TGM7: variants seen among roughly 807,000 people sequenced by gnomAD.
TGM7 encodes transglutaminase 7, also known as protein-glutamine gamma-glutamyltransferase Z.
Under a neutral mutation model 79.5 loss-of-function variants are expected in TGM7, and 74 were observed. That is an observed-to-expected ratio of 0.93 (90% CI 0.77 to 1.13). The LOEUF (loss-of-function observed/expected upper bound fraction) is 1.13, where lower values mean the gene tolerates loss of function less well. Among genes scored for constraint, TGM7 ranks in the 50% most tolerant of loss-of-function variants. The probability of loss-of-function intolerance (pLI) is 0.00; values close to 1 mark genes in which losing one functional copy is unlikely to be tolerated. For missense variants in TGM7, 912 were observed against 905.9 expected (o/e 1.01, Z -0.09); for synonymous variants, 354 against 362.5 (o/e 0.98, Z 0.27).
chr15:43,297,587 T>TAGAAAGTA (rs1555386113), intron 1 of TGM7, among the ~76,000 whole-genome samples: 1 of 114,482 alleles, frequency 8.7e-6, no homozygotes, highest in Middle Eastern at 3.5e-3. Flanking sequence ...TCTGCATGTA[T>TAGAAAGTA]AGAAAGAAAG....
chr15:43,282,478 C>T, intron 8 of TGM7, 39 bp downstream of exon 8: 1 of 1,524,804 alleles, frequency 6.6e-7, no homozygotes. Context: ...AATCTGCCTC[C>T]CCACAGAGCC....
chr15:43,292,907 T>G lies in TGM7; in HGVS notation c.241A>C (p.Thr81Pro). 6.2e-7 allele frequency: 1 copy of G among 1,613,618 alleles called. No individual in the cohort carries two copies. The highest frequency in any genetic ancestry group is 8.5e-7 in the Non-Finnish European group (1 of 1,179,916). Residue 81 changes from threonine (T) to proline (P), a missense_variant, in exon 3 of 13, where the codon ACC (threonine) becomes CCC (proline). Thr to Pro is a conservative substitution (Grantham distance 38, BLOSUM62 -1). Coordinates refer to ENST00000452443, the MANE Select transcript of TGM7 (RefSeq NM_052955.3). ...CAGACATTCCCGGGCTGGACCCGGG[T>G]GAGGAAGAATGTGGCTCGGGTCCCC... Reference protein sequence around the residue: ...LLGTRATFFLTRVQPGNVWSA... With the variant: ...LLGTRATFFLPRVQPGNVWSA...
At chr15:43,284,680 T>C (rs574016291) in intron 7 of TGM7, 134 bp downstream of exon 7, 26 of 1,124,258 alleles carry the variant, frequency 2.3e-5, no homozygotes, top group Non-Finnish European at 3.2e-5. Context: ...TGGGGAATTC[T>C]TCTCTTCTCT....
intron 12 of TGM7, 49 bp downstream of exon 12, chr15:43,276,812 AC>A (rs1171929380): frequency 9.4e-6 from 15 of 1,599,516 alleles, no homozygotes; most frequent in African/African-American, 1.3e-5. Flanking sequence ...GCCATGGGGC[AC>A]CCCTTTCCTG....
At chr15:43,292,382 G>A (rs1008774616) in intron 3 of TGM7, among the ~76,000 whole-genome samples, 3 of 152,130 alleles carry the variant, frequency 2.0e-5, no homozygotes, top group African/African-American at 7.2e-5. Flanking sequence ...CAGATAGATG[G>A]GTAGAAGACA....
At chr15:43,286,749 G>C (rs1419055106) in intron 6 of TGM7, among the ~76,000 whole-genome samples, 1 of 152,214 alleles carries the variant, frequency 6.6e-6, no homozygotes, top group African/African-American at 2.4e-5. Flanking sequence ...CAGATGGTCT[G>C]CTCAACAACT....
intron 8 of TGM7, 147 bp from the exon 9 acceptor site, chr15:43,282,233 A>T (rs1265060635): frequency 5.7e-6 from 7 of 1,233,910 alleles, no homozygotes. Flanking sequence ...CCATTAATTC[A>T]TCTGACCCTC....
At chr15:43,299,041 G>A (rs34113528) in intron 1 of TGM7, among the ~76,000 whole-genome samples, 1 of 151,888 alleles carries the variant, frequency 6.6e-6, no homozygotes, top group African/African-American at 2.4e-5. Flanking sequence ...CAAGACATTA[G>A]AAAGGAAGAT....
At chr15:43,288,040 A>G (rs1021712633) in intron 4 of TGM7, among the ~76,000 whole-genome samples, 1 of 152,092 alleles carries the variant, frequency 6.6e-6, no homozygotes, top group Non-Finnish European at 1.5e-5. Flanking sequence ...CATGGTGGGT[A>G]TCAAGGACTT....
rs141417409 is a variant in TGM7, at chr15:43,284,868, G to A, written c.950C>T (p.Thr317Met). The stretch of plus-strand genomic sequence containing the variant: ...CATCTCGGCATTTCGGTCATAGTAC[G>A]TATCGATGGTCAAGTTCCTATCCAC... ...HNVDRNLTIDTYYDRNAEMLS... is the reference protein window; with the variant it reads ...HNVDRNLTIDMYYDRNAEMLS... Residue 317 changes from threonine (T) to methionine (M), a missense_variant, in exon 7 of 13, where the codon ACG (threonine) becomes ATG (methionine). By Grantham distance (81) the Thr-to-Met change is moderately conservative (BLOSUM62 -1). Transcript: ENST00000452443. 5 of 1,614,124 alleles carry A rather than the reference G, an allele frequency of 3.1e-6. No individual in the cohort carries two copies. The South Asian group carries it at 3.3e-5, about 11-fold the overall frequency.
At position 43,276,574 on chromosome 15, in the gene TGM7, G is replaced by A. The variant is rs1164925991; in HGVS notation, c.2014C>T (p.Leu672=). ...LVAGHTLQIQ[L]DLYPTKAGPR... Reference sequence around the variant, plus strand: ...CCAGCTTTGGTCGGGTAGAGGTCCAGTTGAATTTGGAGGGTGTGTCCGGCC... The same window carrying A: ...CCAGCTTTGGTCGGGTAGAGGTCCAATTGAATTTGGAGGGTGTGTCCGGCC... Residue 672 remains leucine, a synonymous_variant, in exon 13 of 13, where the codon CTG becomes TTG. Coordinates refer to ENST00000452443, the MANE Select transcript of TGM7 (RefSeq NM_052955.3). The A allele has an allele frequency of 6.2e-7, 1 of 1,614,128 alleles. No homozygotes were observed.
intron 8 of TGM7, 28 bp downstream of exon 8, chr15:43,282,489 A>C: frequency 1.4e-5 from 21 of 1,553,760 alleles, no homozygotes; most frequent in Non-Finnish European, 1.7e-5. Flanking sequence ...CCACAGAGCC[A>C]GAGCCTGTTG....
intron 1 of TGM7, among the ~76,000 whole-genome samples, chr15:43,298,186 T>A (rs569241185): frequency 9.9e-4 from 151 of 152,172 alleles, no homozygotes; most frequent in African/African-American, 3.4e-3. Flanking sequence ...ACCTGCACAA[T>A]CTCCTGCCAT....
At chr15:43,290,506 C>T (rs1001655962) in intron 4 of TGM7, among the ~76,000 whole-genome samples, 1 of 152,172 alleles carries the variant, frequency 6.6e-6, no homozygotes, top group African/African-American at 2.4e-5. Context: ...CGTGATGCCT[C>T]CAGCTTTGTT....
intron 7 of TGM7, 82 bp downstream of exon 7, chr15:43,284,732 C>T: frequency 6.6e-7 from 1 of 1,526,458 alleles, no homozygotes; most frequent in Non-Finnish European, 9.0e-7. Context: ...GCAATATTTC[C>T]TCAAGAGCCA....
intron 1 of TGM7, among the ~76,000 whole-genome samples, chr15:43,301,446 A>G (rs1247044318): frequency 6.6e-6 from 1 of 151,526 alleles, no homozygotes; most frequent in Non-Finnish European, 1.5e-5. Flanking sequence ...CCTGGCCAAC[A>G]TGGCGAAACC....
intron 11 of TGM7, among the ~76,000 whole-genome samples, chr15:43,277,479 G>T (rs1010776917): frequency 6.6e-6 from 1 of 152,226 alleles, no homozygotes; most frequent in Non-Finnish European, 1.5e-5. Flanking sequence ...GGCCAAGGCT[G>T]CATGATGTGT....
At chr15:43,284,028 G>A (rs1456657253) in intron 7 of TGM7, among the ~76,000 whole-genome samples, 2 of 152,108 alleles carry the variant, frequency 1.3e-5, no homozygotes, top group African/African-American at 2.4e-5. Flanking sequence ...GTGAAACCCC[G>A]TCTCTACTAA....
Position 43,287,591 on chromosome 15 carries a change from A to G in TGM7, c.637T>C (p.Cys213Arg), listed in dbSNP as rs1225942610. Reference protein sequence around the residue: ...LYHLKNPAKDCSQRNDVVYVC... With the variant: ...LYHLKNPAKDRSQRNDVVYVC... ...TACACCACGTCGTTCCGCTGGGAAC[A>G]GTCTTTGGCCGGGTTCTTTAAGTGA... Residue 213 changes from cysteine to arginine, a missense_variant, in exon 5 of 13, where the codon TGT becomes CGT. Cys to Arg is a radical substitution (Grantham distance 180). Transcript: ENST00000452443. 6 of 1,614,096 alleles carry G rather than the reference A, an allele frequency of 3.7e-6. No homozygotes were observed. Among genetic ancestry groups the G allele is most frequent in the Non-Finnish European group, 5.1e-6 (6 of 1,180,046 alleles).
Sources: allele counts gnomAD v4.1 joint callset (sites outside exome capture counted in the v4.1 genomes callset), GRCh38; gene constraint gnomAD v4.1.1; transcripts MANE v1.5; gene names NCBI Gene and HGNC (gene_info 2026-07-23, HGNC 2026-07-21).